Variants in SPMIP2 observed in about 807,000 individuals in gnomAD.
The protein encoded by SPMIP2 is sperm microtubule inner protein 2.
At chr4:158,995,263 A>G in the SPMIP2 span, among the ~76,000 whole-genome samples, 3 of 152,112 alleles carry the variant, frequency 2.0e-5, no homozygotes, top group African/African-American at 4.8e-5. Flanking sequence ...TTTCCTGTGG[A>G]CAACCTGAAA....
At chr4:159,073,521 A>G in the SPMIP2 span, among the ~76,000 whole-genome samples, 1 of 152,176 alleles carries the variant, frequency 6.6e-6, no homozygotes, top group African/African-American at 2.4e-5. Context: ...CAAAAAAATA[A>G]ATAAGTAAAA....
At chr4:158,995,910 A>G in the SPMIP2 span, among the ~76,000 whole-genome samples, 1 of 150,886 alleles carries the variant, frequency 6.6e-6, no homozygotes, top group African/African-American at 2.4e-5. Context: ...CATGGCAGAC[A>G]TTATTATTCA....
At chr4:158,901,572 C>G in the SPMIP2 span, among the ~76,000 whole-genome samples, 1 of 152,106 alleles carries the variant, frequency 6.6e-6, no homozygotes, top group Non-Finnish European at 1.5e-5. Flanking sequence ...GGATAATAAC[C>G]TGAAGTGTGT....
chr4:159,055,285 CTCTTT>C, the SPMIP2 span, among the ~76,000 whole-genome samples: 1 of 152,224 alleles, frequency 6.6e-6, no homozygotes, highest in African/African-American at 2.4e-5. Flanking sequence ...CACCACCTGA[CTCTTT>C]TCTTTTCTTC....
the SPMIP2 span, among the ~76,000 whole-genome samples, chr4:158,954,505 C>T: frequency 6.6e-6 from 1 of 152,186 alleles, no homozygotes; most frequent in Non-Finnish European, 1.5e-5. Flanking sequence ...AACACTGTCC[C>T]TTTCCAAACT....
At chr4:159,080,136 T>C in the SPMIP2 span, among the ~76,000 whole-genome samples, 5 of 152,184 alleles carry the variant, frequency 3.3e-5, no homozygotes, top group Non-Finnish European at 7.3e-5. Context: ...GTACAGACTT[T>C]TTCTCTCGCC....
At chr4:158,999,179 A>C in the SPMIP2 span, among the ~76,000 whole-genome samples, 1,426 of 144,712 alleles carry the variant, frequency 9.9e-3, 16 homozygotes, top group African/African-American at 0.026. Flanking sequence ...TCAAAAAAAA[A>C]AACAACAAAA....
the SPMIP2 span, among the ~76,000 whole-genome samples, chr4:159,073,741 C>T: frequency 9.0e-3 from 1,366 of 152,252 alleles, 24 homozygotes; most frequent in African/African-American, 0.031. Context: ...GTGGCTCATG[C>T]CTGTAATCCC....
chr4:158,969,762 T>C, the SPMIP2 span, among the ~76,000 whole-genome samples: 1 of 152,174 alleles, frequency 6.6e-6, no homozygotes, highest in Non-Finnish European at 1.5e-5. Context: ...GCCAGTCTTA[T>C]ATAAACCTGG....
chr4:158,966,677 T>C, the SPMIP2 span, among the ~76,000 whole-genome samples: 3 of 152,224 alleles, frequency 2.0e-5, no homozygotes, highest in Non-Finnish European at 4.4e-5. Flanking sequence ...TTTAGACACA[T>C]ACTCCAGATA....
the SPMIP2 span, among the ~76,000 whole-genome samples, chr4:159,000,931 T>C: frequency 6.6e-6 from 1 of 152,226 alleles, no homozygotes; most frequent in East Asian, 1.9e-4. Flanking sequence ...TGGGGTTCTT[T>C]TCAATTTGGG....
At chr4:158,961,033 T>C in the SPMIP2 span, among the ~76,000 whole-genome samples, 1 of 152,098 alleles carries the variant, frequency 6.6e-6, no homozygotes. Context: ...CAAATTTATA[T>C]TGAAAAGCGT....
chr4:158,924,912 G>C, the SPMIP2 span, among the ~76,000 whole-genome samples: 2 of 152,108 alleles, frequency 1.3e-5, no homozygotes, highest in African/African-American at 4.8e-5. Flanking sequence ...GATTCCACTT[G>C]GTCATGATGT....
chr4:158,972,980 G>A, the SPMIP2 span: 5 of 787,764 alleles, frequency 6.3e-6, no homozygotes, highest in African/African-American at 5.2e-5. Context: ...ATGTCTCAAT[G>A]AGAAATCAAG....
the SPMIP2 span, among the ~76,000 whole-genome samples, chr4:158,930,963 T>C: frequency 6.6e-6 from 1 of 152,216 alleles, no homozygotes; most frequent in African/African-American, 2.4e-5. Context: ...CTGTTTTTCA[T>C]CAAATGTGGG....
the SPMIP2 span, among the ~76,000 whole-genome samples, chr4:158,992,125 T>A: frequency 1.3e-5 from 2 of 152,228 alleles, no homozygotes; most frequent in African/African-American, 4.8e-5. Flanking sequence ...TGGCCTCAAG[T>A]GAACCTCCTG....
chr4:159,010,484 C>T, the SPMIP2 span, among the ~76,000 whole-genome samples: 1 of 152,170 alleles, frequency 6.6e-6, no homozygotes, highest in African/African-American at 2.4e-5. Flanking sequence ...TGAAATAGCC[C>T]ATGAGATCCC....
the SPMIP2 span, among the ~76,000 whole-genome samples, chr4:158,989,409 G>A: frequency 6.6e-6 from 1 of 152,094 alleles, no homozygotes; most frequent in Non-Finnish European, 1.5e-5. Context: ...CCAAAAAAGA[G>A]CCCACATAGC....
the SPMIP2 span, among the ~76,000 whole-genome samples, chr4:158,964,074 G>A: frequency 6.6e-6 from 1 of 151,970 alleles, no homozygotes; most frequent in African/African-American, 2.4e-5. Flanking sequence ...AGAATGGCCT[G>A]AACCCGGGAG....
Sources: allele counts gnomAD v4.1 joint callset (sites outside exome capture counted in the v4.1 genomes callset), GRCh38; gene constraint gnomAD v4.1.1; transcripts MANE v1.5; gene names NCBI Gene and HGNC (gene_info 2026-07-23, HGNC 2026-07-21).